Variants in ABCB7 observed in about 807,000 individuals in gnomAD.
The protein encoded by ABCB7 is ATP binding cassette subfamily B member 7.
A neutral mutation model predicts 54.4 loss-of-function variants in ABCB7; 7 were observed. That is an observed-to-expected ratio of 0.13 (90% CI 0.07 to 0.24). The LOEUF is 0.24. Ranked by LOEUF, ABCB7 falls within the 10% of genes least tolerant of loss-of-function variation. ABCB7 has a pLI of 1.00. For synonymous variants in ABCB7, 218 were observed against 207.1 expected (o/e 1.05, Z -0.45); for missense variants, 356 against 570.4 (o/e 0.62, Z 3.83).
chrX:75,071,129 T>C (rs1172599054), intron 9 of ABCB7, among the ~76,000 whole-genome samples: 2 of 110,026 alleles, frequency 1.8e-5, no homozygotes, highest in Non-Finnish European at 3.8e-5. Flanking sequence ...AGGAGAAAGA[T>C]TAAAAGGTTC....
intron 3 of ABCB7, among the ~76,000 whole-genome samples, chrX:75,105,904 A>G (rs1332725155): frequency 8.9e-6 from 1 of 111,955 alleles, no homozygotes; most frequent in East Asian, 2.8e-4. Context: ...CAATCTATTC[A>G]ATAAATACTG....
intron 3 of ABCB7, among the ~76,000 whole-genome samples, chrX:75,099,337 G>A (rs185486041): frequency 2.7e-5 from 3 of 111,315 alleles, no homozygotes; most frequent in Non-Finnish European, 5.7e-5. Flanking sequence ...GTCATGAAGG[G>A]ACATGTACTA....
chrX:75,154,620 T>C (rs777693812), intron 1 of ABCB7, among the ~76,000 whole-genome samples: 202 of 112,102 alleles, frequency 1.8e-3, no homozygotes, highest in African/African-American at 6.2e-3. Context: ...CTCTCTGACT[T>C]GTGGGCCTTT....
intron 1 of ABCB7, among the ~76,000 whole-genome samples, chrX:75,131,964 C>T (rs754795014): frequency 3.6e-5 from 4 of 111,902 alleles, no homozygotes; most frequent in Non-Finnish European, 5.6e-5. Flanking sequence ...TTCACTGATA[C>T]CTCCGTGACA....
At chrX:75,081,181 A>G (rs987357363) in intron 4 of ABCB7, among the ~76,000 whole-genome samples, 1 of 112,193 alleles carries the variant, frequency 8.9e-6, no homozygotes, top group African/African-American at 3.2e-5. Flanking sequence ...TCAAGAACCA[A>G]TAAGATAAGA....
At chrX:75,109,602 G>T (rs1005084835) in intron 3 of ABCB7, among the ~76,000 whole-genome samples, 2 of 111,880 alleles carry the variant, frequency 1.8e-5, no homozygotes, top group Non-Finnish European at 3.8e-5. Flanking sequence ...AGCAAGAAAT[G>T]TAATACCTCA....
chrX:75,149,582 T>A (rs935373178), intron 1 of ABCB7, among the ~76,000 whole-genome samples: 21 of 111,820 alleles, frequency 1.9e-4, no homozygotes, highest in Non-Finnish European at 3.8e-4. Flanking sequence ...ATTTTACATA[T>A]ATTTTCTGAT....
intron 1 of ABCB7, among the ~76,000 whole-genome samples, chrX:75,138,933 G>A (rs920273547): frequency 1.9e-5 from 2 of 106,069 alleles, no homozygotes; most frequent in African/African-American, 6.9e-5. Context: ...GCTTGAACCC[G>A]GGAGGCAGAG....
chrX:75,080,597 C>T (rs1346980369), intron 4 of ABCB7, among the ~76,000 whole-genome samples: 5 of 111,629 alleles, frequency 4.5e-5, no homozygotes, highest in African/African-American at 1.6e-4. Flanking sequence ...AGCCACCACG[C>T]CTGGCCTGCT....
intron 4 of ABCB7, among the ~76,000 whole-genome samples, chrX:75,089,353 A>C (rs1249721212): frequency 9.0e-6 from 1 of 111,555 alleles, no homozygotes; most frequent in East Asian, 2.8e-4. Context: ...TAACAGCAAC[A>C]ATGTATTGGT....
At chrX:75,152,670 T>A (rs987789490) in intron 1 of ABCB7, among the ~76,000 whole-genome samples, 2 of 110,025 alleles carry the variant, frequency 1.8e-5, no homozygotes, top group East Asian at 5.7e-4. Flanking sequence ...TTTTTTTTTC[T>A]TTTTTTTGAG....
intron 4 of ABCB7, among the ~76,000 whole-genome samples, chrX:75,087,432 T>C (rs1397111653): frequency 8.9e-6 from 1 of 112,384 alleles, no homozygotes; most frequent in Non-Finnish European, 1.9e-5. Context: ...TTATATTGTA[T>C]ACATTATTAA....
intron 15 of ABCB7, among the ~76,000 whole-genome samples, chrX:75,054,970 C>T (rs2081225086): frequency 9.0e-6 from 1 of 111,393 alleles, no homozygotes; most frequent in Non-Finnish European, 1.9e-5. Context: ...CTGTTTCTGG[C>T]CTCTCTAGAA....
At chrX:75,102,745 T>A (rs2081650541) in intron 3 of ABCB7, among the ~76,000 whole-genome samples, 1 of 111,709 alleles carries the variant, frequency 9.0e-6, no homozygotes, top group Non-Finnish European at 1.9e-5. Context: ...TTTTTCATAG[T>A]GGCTGTACTA....
At chrX:75,152,731 C>A (rs2082141467) in intron 1 of ABCB7, among the ~76,000 whole-genome samples, 1 of 109,070 alleles carries the variant, frequency 9.2e-6, no homozygotes, top group South Asian at 4.1e-4. Context: ...GCGATCTCGG[C>A]TCACTGCAAC....
chrX:75,100,163 C>A (rs763707288), intron 3 of ABCB7, among the ~76,000 whole-genome samples: 125 of 110,854 alleles, frequency 1.1e-3, no homozygotes, highest in Non-Finnish European at 1.8e-3. Flanking sequence ...CTTTCCATTT[C>A]TAACCATAAA....
intron 1 of ABCB7, among the ~76,000 whole-genome samples, chrX:75,140,654 T>G (rs1159950895): frequency 9.0e-6 from 1 of 111,164 alleles, no homozygotes; most frequent in East Asian, 2.8e-4. Flanking sequence ...ACTCCCAGGA[T>G]AAGAATGGAT....
intron 1 of ABCB7, among the ~76,000 whole-genome samples, chrX:75,145,329 A>G (rs887936825): frequency 2.7e-5 from 3 of 111,247 alleles, no homozygotes; most frequent in Non-Finnish European, 3.8e-5. Flanking sequence ...AAAAATCCTC[A>G]ACAAAATACT....
At chrX:75,057,619 T>C (rs1176648921) in intron 15 of ABCB7, among the ~76,000 whole-genome samples, 5 of 111,413 alleles carry the variant, frequency 4.5e-5, no homozygotes, top group Non-Finnish European at 9.4e-5. Flanking sequence ...TGGAGGTCTA[T>C]CCACTGACAT....
Sources: allele counts gnomAD v4.1 joint callset (sites outside exome capture counted in the v4.1 genomes callset), GRCh38; gene constraint gnomAD v4.1.1; transcripts MANE v1.5; gene names NCBI Gene and HGNC (gene_info 2026-07-23, HGNC 2026-07-21).